Variants in MEMO1 observed in about 807,000 individuals in gnomAD.
The protein encoded by MEMO1 is mediator of cell motility 1, also known as protein MEMO1.
Under a neutral mutation model 45.2 loss-of-function variants are expected in MEMO1, and 6 were observed. That is an observed-to-expected ratio of 0.13 (90% CI 0.07 to 0.26). MEMO1 has a LOEUF of 0.26. Among genes scored for constraint, MEMO1 ranks in the 10% least tolerant of loss-of-function variants. The probability of loss-of-function intolerance (pLI) is 1.00; values close to 1 mark genes in which losing one functional copy is unlikely to be tolerated. For synonymous variants in MEMO1, 78 were observed against 124.3 expected (o/e 0.63, Z 2.48); for missense variants, 184 against 370.5 (o/e 0.50, Z 4.13).
At chr2:31,967,217 G>A (rs990092697) in intron 2 of MEMO1, among the ~76,000 whole-genome samples, 10 of 151,276 alleles carry the variant, frequency 6.6e-5, no homozygotes, top group South Asian at 2.1e-4. Context: ...TCCGCCTCCC[G>A]GGTTCACACC....
chr2:31,971,014 A>G (rs1213477164), intron 2 of MEMO1, among the ~76,000 whole-genome samples: 1 of 152,170 alleles, frequency 6.6e-6, no homozygotes, highest in East Asian at 1.9e-4. Flanking sequence ...AAAATAAAAC[A>G]AAGATATTTC....
At chr2:31,931,945 A>G in intron 4 of MEMO1, 122 bp downstream of exon 4, 2 of 775,058 alleles carry the variant, frequency 2.6e-6, no homozygotes, top group Non-Finnish European at 4.2e-6. Flanking sequence ...AAATTCATCA[A>G]AAGTCAAATC....
chr2:31,940,586 C>A (rs1401106765), intron 3 of MEMO1, among the ~76,000 whole-genome samples: 1 of 152,158 alleles, frequency 6.6e-6, no homozygotes, highest in Admixed American at 6.5e-5. Flanking sequence ...GTTGCCCAAG[C>A]GGGAGTACAG....
intron 4 of MEMO1, among the ~76,000 whole-genome samples, chr2:31,927,639 TAAAA>T (rs555788140): frequency 1.4e-5 from 2 of 138,792 alleles, no homozygotes; most frequent in African/African-American, 5.3e-5. Flanking sequence ...TTATATTTTG[TAAAA>T]AAAAAAAAAA....
At chr2:31,875,098 AAT>A (rs1302843175) in intron 8 of MEMO1, among the ~76,000 whole-genome samples, 1 of 152,080 alleles carries the variant, frequency 6.6e-6, no homozygotes, top group Non-Finnish European at 1.5e-5. Context: ...TATATAAATA[AAT>A]ATATCTCAAC....
At chr2:31,891,384 C>T (rs1208467344) in intron 7 of MEMO1, among the ~76,000 whole-genome samples, 1 of 152,156 alleles carries the variant, frequency 6.6e-6, no homozygotes, top group East Asian at 1.9e-4. Flanking sequence ...TTACAACGTA[C>T]TCACTGTGAC....
At chr2:31,968,234 T>A (rs1296066309) in intron 2 of MEMO1, among the ~76,000 whole-genome samples, 1 of 152,124 alleles carries the variant, frequency 6.6e-6, no homozygotes, top group Non-Finnish European at 1.5e-5. Context: ...AGTTTCCTCA[T>A]CTATAAAAAA....
chr2:31,907,644 T>G (rs1189842699), intron 6 of MEMO1, among the ~76,000 whole-genome samples: 1 of 151,836 alleles, frequency 6.6e-6, no homozygotes, highest in African/African-American at 2.4e-5. Flanking sequence ...AATACAAAAA[T>G]TAGCCAGGTG....
chr2:31,897,717 T>C (rs1678081571), intron 6 of MEMO1, among the ~76,000 whole-genome samples: 1 of 152,200 alleles, frequency 6.6e-6, no homozygotes, highest in African/African-American at 2.4e-5. Context: ...AGTATCAGGA[T>C]GATGCTGTCC....
intron 6 of MEMO1, among the ~76,000 whole-genome samples, chr2:31,900,530 G>A (rs1188098349): frequency 6.6e-6 from 1 of 152,060 alleles, no homozygotes; most frequent in African/African-American, 2.4e-5. Flanking sequence ...GGGGCCTGTT[G>A]GGGAGTGGGG....
chr2:32,010,369 G>C, intron 1 of MEMO1, 105 bp from the exon 2 acceptor site: 1 of 457,790 alleles, frequency 2.2e-6, no homozygotes, highest in South Asian at 2.5e-5. Flanking sequence ...GGCGGCAGCG[G>C]GGAGGGGATC....
At chr2:31,986,289 G>C (rs897171237) in intron 2 of MEMO1, among the ~76,000 whole-genome samples, 1 of 151,890 alleles carries the variant, frequency 6.6e-6, no homozygotes, top group African/African-American at 2.4e-5. Context: ...GTCCCAGCCA[G>C]TCGGGAGGCT....
At chr2:31,989,682 T>C (rs1671703825) in intron 2 of MEMO1, among the ~76,000 whole-genome samples, 4 of 152,250 alleles carry the variant, frequency 2.6e-5, no homozygotes, top group Admixed American at 2.6e-4. Flanking sequence ...CTTGATTGTG[T>C]TGACTTTCAT....
At chr2:31,960,304 A>G (rs1408262534) in intron 2 of MEMO1, among the ~76,000 whole-genome samples, 1 of 152,196 alleles carries the variant, frequency 6.6e-6, no homozygotes, top group Non-Finnish European at 1.5e-5. Flanking sequence ...ATTTCAAATT[A>G]AAAAGGAGAA....
At chr2:31,969,589 GTGTGTGTGTGTGTGTGTGTGTGTGT>G (rs1669104574) in intron 2 of MEMO1, among the ~76,000 whole-genome samples, 1 of 43,518 alleles carries the variant, frequency 2.3e-5, no homozygotes, top group Non-Finnish European at 4.8e-5. Flanking sequence ...GTGTGTGGGT[GTGTGTGTGTGTGTGTGTGTGTGTGT>G]GTGTGTGTGT....
intron 2 of MEMO1, among the ~76,000 whole-genome samples, chr2:31,984,130 TCA>T (rs1180279665): frequency 3.3e-5 from 5 of 152,216 alleles, no homozygotes. Context: ...CTTCAGCGAC[TCA>T]CATCCAAAGA....
At chr2:31,969,617 GTGTGT>G (rs1669127813) in intron 2 of MEMO1, among the ~76,000 whole-genome samples, 3 of 148,656 alleles carry the variant, frequency 2.0e-5, no homozygotes, top group Non-Finnish European at 4.5e-5. Context: ...GTGTGTGTGT[GTGTGT>G]GTGTGTGTGT....
chr2:31,979,137 G>C (rs1305947918), intron 2 of MEMO1, among the ~76,000 whole-genome samples: 1 of 152,172 alleles, frequency 6.6e-6, no homozygotes, highest in Non-Finnish European at 1.5e-5. Flanking sequence ...AGAGAGAAGA[G>C]AAAAGCCCAG....
chr2:32,002,692 G>A (rs1673561074), intron 2 of MEMO1, among the ~76,000 whole-genome samples: 1 of 152,024 alleles, frequency 6.6e-6, no homozygotes, highest in Admixed American at 6.6e-5. Flanking sequence ...GAAGATTAGG[G>A]ATTATATACA....
Sources: allele counts gnomAD v4.1 joint callset (sites outside exome capture counted in the v4.1 genomes callset), GRCh38; gene constraint gnomAD v4.1.1; transcripts MANE v1.5; gene names NCBI Gene and HGNC (gene_info 2026-07-23, HGNC 2026-07-21).